Variants in PGBD2 observed in about 807,000 individuals in gnomAD.
PGBD2 encodes the protein piggyBac transposable element derived 2, also known as piggyBac transposable element-derived protein 2.
A neutral mutation model predicts 8.1 loss-of-function variants in PGBD2; 6 were observed. The ratio of observed to expected loss-of-function variants is 0.74; its 90% CI spans 0.40 to 1.46. PGBD2 has a LOEUF of 1.46. Among genes scored for constraint, PGBD2 ranks in the 40% most tolerant of loss-of-function variants. The probability of loss-of-function intolerance (pLI) is 0.02; values close to 1 mark genes in which losing one functional copy is unlikely to be tolerated. For missense variants in PGBD2, 802 were observed against 739.0 expected (o/e 1.09, Z -0.99); for synonymous variants, 318 against 272.2 (o/e 1.17, Z -1.66).
the PGBD2 span, among the ~76,000 whole-genome samples, chr1:248,896,066 T>G: frequency 2.0e-5 from 3 of 152,172 alleles, no homozygotes; most frequent in South Asian, 6.2e-4. Flanking sequence ...ATCATTCTTA[T>G]GCCTTTGCAT....
At chr1:248,928,267 T>C in the PGBD2 span, among the ~76,000 whole-genome samples, 24 of 152,202 alleles carry the variant, frequency 1.6e-4, no homozygotes, top group Admixed American at 1.4e-3. Flanking sequence ...CTGCATATTT[T>C]CTTTCTCCAG....
the PGBD2 span, among the ~76,000 whole-genome samples, chr1:248,895,469 T>C: frequency 6.6e-6 from 1 of 152,096 alleles, no homozygotes; most frequent in South Asian, 2.1e-4. Context: ...TGTTCCCCAA[T>C]CCAATAATCA....
chr1:248,925,345 G>T, the PGBD2 span, among the ~76,000 whole-genome samples: 1 of 152,208 alleles, frequency 6.6e-6, no homozygotes, highest in African/African-American at 2.4e-5. Context: ...CCAGGCAGGG[G>T]AAGAGAATTG....
chr1:248,904,765 C>A (rs1661591005), upstream of PGBD2, among the ~76,000 whole-genome samples: 1 of 152,222 alleles, frequency 6.6e-6, no homozygotes, highest in Non-Finnish European at 1.5e-5. Flanking sequence ...TTCTCACTTA[C>A]CAACCTTCCC....
chr1:248,890,870 C>A, the PGBD2 span, among the ~76,000 whole-genome samples: 447 of 150,268 alleles, frequency 3.0e-3, 1 homozygote, highest in Non-Finnish European at 5.2e-3. Flanking sequence ...CATCCACAGC[C>A]CCCCATCACA....
rs1441527948 is a variant in PGBD2, at chr1:248,916,605, T to A, written c.21T>A (p.Asp7Glu). The change falls in exon 3 of 3, where the codon GAT (aspartate) becomes GAA (glutamate). Residue 7 changes from aspartate to glutamate, a missense_variant. By Grantham distance (45) the Asp-to-Glu change is conservative. Coordinates refer to ENST00000329291, the MANE Select transcript of PGBD2 (RefSeq NM_170725.3). MASTSR[D>E]VIAGRGIHSK... ...ATTCTGTTTCCTGTCATAACAGAGATGTCATTGCTGGGAGAGGTATCCACT... is the reference window on the plus strand; with the variant it reads ...ATTCTGTTTCCTGTCATAACAGAGAAGTCATTGCTGGGAGAGGTATCCACT... 1.9e-6 allele frequency: 3 copies of A among 1,613,554 alleles called. No homozygotes were observed. Among genetic ancestry groups the A allele is most frequent in the East Asian group, 4.5e-5 (2 of 44,894 alleles).
In PGBD2 at chr1:248,918,395, G is replaced by GA; in HGVS notation, c.*33dup. ...GAGACATGCTTCTTTGGTTTATAAT[G>GA]AGATGTTTACAGTTAAATACAGATG... On this transcript the variant is annotated 3_prime_UTR_variant, in exon 3 of 3. Transcript: ENST00000329291. The GA allele has an allele frequency of 6.6e-7, 1 of 1,516,432 alleles. No homozygotes were observed. The highest frequency in any genetic ancestry group is 8.8e-7 in the Non-Finnish European group (1 of 1,132,468). The allele number at this position is 1,516,432 out of a possible 1,614,324, so 93.9% of individuals were successfully genotyped here.
the PGBD2 span, among the ~76,000 whole-genome samples, chr1:248,890,152 C>G: frequency 6.6e-6 from 1 of 152,050 alleles, no homozygotes; most frequent in African/African-American, 2.4e-5. Context: ...GTCTCAAACT[C>G]CCGACCTCAA....
At chr1:248,914,562 C>T in intron 2 of PGBD2, 1 of 1,289,222 alleles carries the variant, frequency 7.8e-7, no homozygotes, top group Non-Finnish European at 1.0e-6. Flanking sequence ...ATGGGCAGGT[C>T]TGTACTGATG....
At chr1:248,923,835 G>T (rs1662333635), downstream of PGBD2, among the ~76,000 whole-genome samples, 1 of 152,210 alleles carries the variant, frequency 6.6e-6, no homozygotes. Flanking sequence ...CCCACTCAGT[G>T]AGAATTCTGG....
intron 1 of PGBD2, among the ~76,000 whole-genome samples, chr1:248,912,440 A>G (rs74961010): frequency 0.023 from 3,489 of 152,214 alleles, 144 homozygotes; most frequent in African/African-American, 0.079. Context: ...AGTTTCCTCA[A>G]TGGTTAAATG....
At chr1:248,922,062 C>CTTTTTTTTTTTT (rs977032872), downstream of PGBD2, among the ~76,000 whole-genome samples, 2 of 139,086 alleles carry the variant, frequency 1.4e-5, no homozygotes, top group Non-Finnish European at 3.1e-5. Context: ...TTTCTTTTTT[C>CTTTTTTTTTTTT]TTTTTTTTTT....
chr1:248,917,467 A>G lies in PGBD2; in HGVS notation c.883A>G (p.Lys295Glu). The G allele has an allele frequency of 1.2e-6, 2 of 1,614,100 alleles. No homozygotes were observed. The highest frequency in any genetic ancestry group is 1.7e-6 in the Non-Finnish European group (2 of 1,180,022). Residue 295 changes from lysine to glutamate, a missense_variant, in exon 3 of 3, where the codon AAG (lysine) becomes GAG (glutamate). Coordinates refer to ENST00000329291, the MANE Select transcript of PGBD2 (RefSeq NM_170725.3). ...GGGGAAGCCTGTGCGACTTGGCTAC[A>G]AGATTTGGTGTGGGACAACCAGCAG... ...HRGKPVRLGY[K>E]IWCGTTSRGY...
At chr1:248,905,701 C>T (rs1009845982), upstream of PGBD2, among the ~76,000 whole-genome samples, 63 of 152,164 alleles carry the variant, frequency 4.1e-4, no homozygotes, top group African/African-American at 1.4e-3. Flanking sequence ...TCCTATAATG[C>T]ACAGGACAGC....
At chr1:248,898,423 G>A in the PGBD2 span, among the ~76,000 whole-genome samples, 1 of 152,238 alleles carries the variant, frequency 6.6e-6, no homozygotes, top group South Asian at 2.1e-4. Context: ...CAAAGTGCTG[G>A]GATTACAGGC....
downstream of PGBD2, among the ~76,000 whole-genome samples, chr1:248,924,697 A>G (rs1185892505): frequency 6.6e-6 from 1 of 152,218 alleles, no homozygotes; most frequent in Admixed American, 6.5e-5. Context: ...AGTAGCAAAG[A>G]CACATTTTGT....
chr1:248,909,434 T>A (rs1019258875), intron 1 of PGBD2, among the ~76,000 whole-genome samples: 1 of 152,220 alleles, frequency 6.6e-6, no homozygotes, highest in Non-Finnish European at 1.5e-5. Context: ...TCTGGTTCTT[T>A]TCTAAATAGT....
Position 248,917,560 on chromosome 1 carries a change from C to G in PGBD2, c.976C>G (p.Leu326Val), listed in dbSNP as rs370716878. 14 of 1,614,004 alleles carry G rather than the reference C, an allele frequency of 8.7e-6. No individual in the cohort carries two copies. Among genetic ancestry groups the G allele is most frequent in the Admixed American group, 1.7e-5 (1 of 59,994 alleles). Residue 326 changes from leucine to valine, a missense_variant, in exon 3 of 3, where the codon CTA becomes GTA. Leu to Val is a conservative substitution (Grantham distance 32, BLOSUM62 1). Transcript: ENST00000329291. ...LFTKPDRSLD[L>V]GGSMVIKFVD... ...TACCAAGCCAGACAGGAGCTTGGATCTAGGAGGCAGTATGGTAATAAAATT... is the reference window on the plus strand; with the variant it reads ...TACCAAGCCAGACAGGAGCTTGGATGTAGGAGGCAGTATGGTAATAAAATT...
intron 2 of PGBD2, among the ~76,000 whole-genome samples, chr1:248,915,118 A>G (rs1165528092): frequency 6.6e-6 from 1 of 152,194 alleles, no homozygotes; most frequent in East Asian, 1.9e-4. Flanking sequence ...CCGGGATGGC[A>G]TTCATTGCTA....
Sources: gnomAD v4.1 joint callset for allele counts (sites outside exome capture counted in the v4.1 genomes callset) on GRCh38, gnomAD v4.1.1 for gene constraint, MANE v1.5 for transcripts, NCBI Gene and HGNC (gene_info 2026-07-23, HGNC 2026-07-21) for gene names.